The following TRAPPC9 variants were observed in gnomAD, a reference collection of about 807,000 sequenced individuals.
TRAPPC9 encodes IKK2 binding protein.
Under a neutral mutation model 124.0 loss-of-function variants are expected in TRAPPC9, and 83 were observed. That is an observed-to-expected ratio of 0.67 (90% CI 0.56 to 0.80). The LOEUF (loss-of-function observed/expected upper bound fraction) is 0.80. Among genes scored for constraint, TRAPPC9 ranks in the 30% least tolerant of loss-of-function variants. The pLI, the probability that TRAPPC9 is intolerant of heterozygous loss-of-function variation, is 0.00. For missense variants in TRAPPC9, 1,302 were observed against 1,508.3 expected, an observed-to-expected ratio of 0.86 and a Z score of 2.27; for synonymous variants, 638 against 617.5, an observed-to-expected ratio of 1.03 and a Z score of -0.49.
At chr8:140,237,008 C>T (rs541701334) in intron 16 of TRAPPC9, among the ~76,000 whole-genome samples, 1 of 151,980 alleles carries the variant, frequency 6.6e-6, no homozygotes, top group Non-Finnish European at 1.5e-5. Context: ...TGGTGAAACC[C>T]CGCCTCTATT....
chr8:140,048,724 A>G (rs1157781273), intron 17 of TRAPPC9, among the ~76,000 whole-genome samples: 1 of 152,184 alleles, frequency 6.6e-6, no homozygotes, highest in Non-Finnish European at 1.5e-5. Flanking sequence ...CCAAAGTCAC[A>G]AAGCTAGTGG....
At chr8:139,928,988 G>T (rs887864175) in intron 19 of TRAPPC9, among the ~76,000 whole-genome samples, 5 of 151,946 alleles carry the variant, frequency 3.3e-5, no homozygotes, top group Non-Finnish European at 7.4e-5. Context: ...TACGGGAGAC[G>T]TGTGCGTGGG....
In TRAPPC9 at chr8:140,457,620, C is replaced by T. The variant is rs1184134733; in HGVS notation, c.-11+19G>A. 2.0e-6 allele frequency: 2 copies of T among 985,750 alleles called. No individual in the cohort carries two copies. The highest frequency in any genetic ancestry group is 1.7e-5 in the African/African-American group (1 of 57,368). The allele number at this position is 985,750 out of a possible 1,614,324, so 61.1% of individuals were successfully genotyped here. ...CGGTCCGAATTGCCTGACCGGGAGC[C>T]CCCCCGCTTTGCACTTACACAGCCG... is the stretch of plus-strand genomic sequence containing the variant. On this transcript the variant is annotated intron_variant, in intron 1 of 22. Coordinates refer to ENST00000438773, the MANE Select transcript of TRAPPC9 (RefSeq NM_001160372.4).
intron 17 of TRAPPC9, among the ~76,000 whole-genome samples, chr8:140,210,978 T>C (rs1036676956): frequency 1.3e-5 from 2 of 152,178 alleles, no homozygotes; most frequent in African/African-American, 4.8e-5. Context: ...CACAGCTTGA[T>C]TAAGAAGCAA....
chr8:140,384,711 G>A (rs2068706130), intron 7 of TRAPPC9, among the ~76,000 whole-genome samples: 1 of 152,056 alleles, frequency 6.6e-6, no homozygotes. Flanking sequence ...CTCCCACACA[G>A]TAATAATGGG....
chr8:139,988,740 G>T lies in TRAPPC9; in HGVS notation c.2796C>A (p.Ala932=). The stretch of plus-strand genomic sequence containing the variant: ...GGGACACTTACCGCTGGCACTCACC[G>T]GCGTGCAGGATGAGTGCCTCGCTGC... ...TRSSEALILH[A]GECQRMAIQV... is the part of the protein sequence containing the mutation. Residue 932 remains alanine (A), a synonymous_variant, in exon 19 of 23, where the codon GCC becomes GCA. Coordinates refer to ENST00000438773, the MANE Select transcript of TRAPPC9 (RefSeq NM_001160372.4). 6.5e-7 allele frequency: 1 copy of T among 1,549,834 alleles called. No individual in the cohort carries two copies. The highest frequency in any genetic ancestry group is 8.7e-7 in the Non-Finnish European group (1 of 1,146,166).
intron 21 of TRAPPC9, among the ~76,000 whole-genome samples, chr8:139,856,017 C>G (rs1323870781): frequency 6.6e-6 from 1 of 152,128 alleles, no homozygotes; most frequent in Non-Finnish European, 1.5e-5. Context: ...TTCCCCAACT[C>G]CGAGTCCCAG....
chr8:140,377,703 AC>A (rs1311934859), intron 7 of TRAPPC9, among the ~76,000 whole-genome samples: 2 of 151,880 alleles, frequency 1.3e-5, no homozygotes, highest in African/African-American at 4.8e-5. Context: ...CACAGCTAAA[AC>A]GTCCCCCACC....
intron 9 of TRAPPC9, among the ~76,000 whole-genome samples, chr8:140,328,580 CAG>C (rs2066802296): frequency 1.3e-5 from 2 of 152,040 alleles, no homozygotes; most frequent in Admixed American, 1.3e-4. Flanking sequence ...TTTGGGGACT[CAG>C]GGGGAAAGGG....
intron 19 of TRAPPC9, chr8:139,932,865 C>T (rs1335764991): frequency 1.1e-5 from 3 of 264,152 alleles, no homozygotes; most frequent in Non-Finnish European, 2.2e-5. Flanking sequence ...CTTATAGTCA[C>T]TGACATTTAG....
chr8:140,291,186 C>T, intron 11 of TRAPPC9, 108 bp from the exon 12 acceptor site: 2 of 998,754 alleles, frequency 2.0e-6, no homozygotes, highest in East Asian at 2.5e-5. Flanking sequence ...AGTGAGGCAG[C>T]AGGCTCTATG....
intron 17 of TRAPPC9, among the ~76,000 whole-genome samples, chr8:140,173,033 C>T (rs2061995862): frequency 6.6e-6 from 1 of 152,190 alleles, no homozygotes; most frequent in East Asian, 1.9e-4. Flanking sequence ...AAGCATGAGA[C>T]AGTAGCTATG....
chr8:140,074,510 G>A (rs190826678), intron 17 of TRAPPC9, among the ~76,000 whole-genome samples: 7 of 152,346 alleles, frequency 4.6e-5, no homozygotes, highest in Admixed American at 4.6e-4. Context: ...GAAGGAAGGA[G>A]ATGCACAGAA....
chr8:140,248,977 C>T (rs6578086), intron 16 of TRAPPC9, among the ~76,000 whole-genome samples: 62,199 of 151,980 alleles, frequency 0.41, 13,430 homozygotes, highest in Middle Eastern at 0.56. Context: ...ACAGAAAAGT[C>T]ACAAGAAATG....
chr8:140,156,011 G>A (rs1314842979), intron 17 of TRAPPC9, among the ~76,000 whole-genome samples: 2 of 152,148 alleles, frequency 1.3e-5, no homozygotes, highest in East Asian at 3.9e-4. Context: ...TGGGGGGCCC[G>A]AGCTCCCTCC....
chr8:139,763,728 G>A (rs1213644162), intron 21 of TRAPPC9, among the ~76,000 whole-genome samples: 30 of 152,228 alleles, frequency 2.0e-4, no homozygotes, highest in Admixed American at 1.8e-3. Flanking sequence ...CAGGATAAAG[G>A]GAGCTGGAGG....
chr8:140,241,634 G>A lies in TRAPPC9; in HGVS notation c.2431+11143C>T, dbSNP rs569986876. On this transcript the variant is annotated intron_variant, in intron 16 of 22. Coordinates refer to ENST00000438773, the MANE Select transcript of TRAPPC9 (RefSeq NM_001160372.4). The surrounding 1 kb of genome is among the most constrained non-coding windows in gnomAD (Gnocchi z 5.0). ...CGCTTAAGCCCGGGAGGCAGAGGTT[G>A]CAGTGAGCTGAGATAGTGCTACTGC... Among the ~76,000 whole-genome samples the A allele has an allele frequency of 2.0e-4, 30 of 152,312 alleles. No homozygotes were observed. In the South Asian group the frequency reaches 4.6e-3, roughly 23 times the overall value.
intron 15 of TRAPPC9, among the ~76,000 whole-genome samples, chr8:140,256,414 T>C (rs4078539): frequency 0.22 from 33,790 of 152,100 alleles, 4,072 homozygotes; most frequent in African/African-American, 0.31. Context: ...TTCAGAAGGG[T>C]TCTGACGACA....
intron 17 of TRAPPC9, among the ~76,000 whole-genome samples, chr8:140,038,208 T>A (rs1388525299): frequency 6.6e-6 from 1 of 152,094 alleles, no homozygotes; most frequent in African/African-American, 2.4e-5. Flanking sequence ...GAGAATTGAA[T>A]GAGAAGCTGA....
Sources: allele counts gnomAD v4.1 joint callset (sites outside exome capture counted in the v4.1 genomes callset), GRCh38; gene constraint gnomAD v4.1.1; non-coding constraint Gnocchi (gnomAD v3.1); transcripts MANE v1.5; gene names NCBI Gene and HGNC (gene_info 2026-07-23, HGNC 2026-07-21).